Variants in CNTN3 observed in about 807,000 individuals in gnomAD.
CNTN3 encodes contactin 3.
A neutral mutation model predicts 119.1 loss-of-function variants in CNTN3; 60 were observed. The ratio of observed to expected loss-of-function variants is 0.50; its 90% CI spans 0.41 to 0.62. The LOEUF is 0.62. Ranked by LOEUF, CNTN3 falls within the 20% of genes least tolerant of loss-of-function variation. CNTN3 has a pLI of 0.00. For missense variants in CNTN3, 1,101 were observed against 1,242.4 expected, an observed-to-expected ratio of 0.89 and a Z score of 1.71; for synonymous variants, 450 against 438.7, an observed-to-expected ratio of 1.03 and a Z score of -0.32.
intron 1 of CNTN3, among the ~76,000 whole-genome samples, chr3:74,608,474 G>C (rs1464039837): frequency 6.6e-6 from 1 of 152,030 alleles, no homozygotes; most frequent in Non-Finnish European, 1.5e-5. Context: ...TTACTTCCTT[G>C]CACTAAAATC....
chr3:74,302,596 T>C (rs1702481505), intron 14 of CNTN3, 94 bp downstream of exon 14: 2 of 731,244 alleles, frequency 2.7e-6, no homozygotes, highest in East Asian at 5.0e-5. Context: ...TTATAACTCG[T>C]ATGCTCACAT....
At chr3:74,545,677 A>G (rs1575820148) in intron 1 of CNTN3, among the ~76,000 whole-genome samples, 1 of 152,338 alleles carries the variant, frequency 6.6e-6, no homozygotes, top group East Asian at 1.9e-4. Flanking sequence ...ATCTTTAAAT[A>G]TGAAATTTAC....
At chr3:74,302,669 A>G in intron 14 of CNTN3, 21 bp downstream of exon 14, 1 of 1,434,406 alleles carries the variant, frequency 7.0e-7, no homozygotes. Context: ...TGACAAACTC[A>G]AGGGGGCATA....
chr3:74,285,699 G>A (rs1702096582), intron 19 of CNTN3, among the ~76,000 whole-genome samples: 1 of 146,036 alleles, frequency 6.8e-6, no homozygotes, highest in South Asian at 2.2e-4. Context: ...GAAAAATAAT[G>A]AACAAATAAA....
At chr3:74,311,230 T>C (rs888919108) in intron 13 of CNTN3, among the ~76,000 whole-genome samples, 1 of 152,148 alleles carries the variant, frequency 6.6e-6, no homozygotes, top group Non-Finnish European at 1.5e-5. Flanking sequence ...TTTATTACAA[T>C]CACAGACCTA....
At chr3:74,432,161 C>T (rs1378999995) in intron 4 of CNTN3, among the ~76,000 whole-genome samples, 1 of 152,024 alleles carries the variant, frequency 6.6e-6, no homozygotes, top group Non-Finnish European at 1.5e-5. Context: ...AGAATCAGGT[C>T]GCTGCCAATA....
chr3:74,491,413 G>A (rs551836970), intron 3 of CNTN3, among the ~76,000 whole-genome samples: 20 of 152,164 alleles, frequency 1.3e-4, no homozygotes, highest in Admixed American at 1.2e-3. Flanking sequence ...TAAGGTGAGA[G>A]GGCTTAAGCC....
chr3:74,544,005 T>G (rs1317848732), intron 1 of CNTN3, among the ~76,000 whole-genome samples: 1 of 152,194 alleles, frequency 6.6e-6, no homozygotes, highest in Non-Finnish European at 1.5e-5. Context: ...GAATGACAAG[T>G]TCAAGTTAAA....
intron 1 of CNTN3, among the ~76,000 whole-genome samples, chr3:74,564,309 T>C (rs1704195748): frequency 6.6e-6 from 1 of 151,948 alleles, no homozygotes; most frequent in Non-Finnish European, 1.5e-5. Context: ...GGACCAAGGA[T>C]GGGAGTGGCT....
chr3:74,518,252 G>GCATCTTTTA (rs1042248403), intron 2 of CNTN3, among the ~76,000 whole-genome samples: 32 of 151,980 alleles, frequency 2.1e-4, no homozygotes, highest in African/African-American at 6.5e-4. Flanking sequence ...AACAGTGTCT[G>GCATCTTTTA]CATCTTTTAC....
intron 2 of CNTN3, among the ~76,000 whole-genome samples, chr3:74,515,435 T>C (rs142283124): frequency 1.3e-3 from 193 of 152,118 alleles, no homozygotes; most frequent in African/African-American, 4.3e-3. Flanking sequence ...ACTCATATCA[T>C]TATTGGCAAG....
intron 5 of CNTN3, among the ~76,000 whole-genome samples, chr3:74,380,889 G>A (rs1012783088): frequency 1.3e-5 from 2 of 152,042 alleles, no homozygotes; most frequent in African/African-American, 4.8e-5. Flanking sequence ...GGGCTTCATT[G>A]TTCTCATCTT....
intron 5 of CNTN3, among the ~76,000 whole-genome samples, chr3:74,385,683 G>A (rs1471550347): frequency 6.6e-6 from 1 of 152,204 alleles, no homozygotes; most frequent in African/African-American, 2.4e-5. Context: ...CCTGTGGGAT[G>A]TGAATTCTTT....
intron 13 of CNTN3, among the ~76,000 whole-genome samples, chr3:74,309,769 G>A (rs1330603673): frequency 1.3e-5 from 2 of 152,136 alleles, no homozygotes; most frequent in Non-Finnish European, 1.5e-5. Flanking sequence ...AATCTAGGTA[G>A]GCTGTGTAGG....
At chr3:74,588,642 C>G (rs1409495774) in intron 1 of CNTN3, among the ~76,000 whole-genome samples, 1 of 152,020 alleles carries the variant, frequency 6.6e-6, no homozygotes, top group South Asian at 2.1e-4. Context: ...GAGCCCGCAT[C>G]ACCAAGTCAT....
intron 11 of CNTN3, among the ~76,000 whole-genome samples, chr3:74,340,216 G>C (rs1703502049): frequency 6.6e-6 from 1 of 152,088 alleles, no homozygotes; most frequent in Admixed American, 6.6e-5. Flanking sequence ...ATGGGGGTCT[G>C]GTGGATATCA....
intron 13 of CNTN3, among the ~76,000 whole-genome samples, chr3:74,317,966 C>G (rs1034924295): frequency 2.6e-5 from 4 of 152,188 alleles, no homozygotes; most frequent in Non-Finnish European, 5.9e-5. Flanking sequence ...CTGTCACTTT[C>G]ATGTACACCA....
chr3:74,493,502 C>T (rs572141632), intron 3 of CNTN3, among the ~76,000 whole-genome samples: 1 of 152,086 alleles, frequency 6.6e-6, no homozygotes, highest in Non-Finnish European at 1.5e-5. Flanking sequence ...TGAACCAACG[C>T]GAAAAGAACA....
chr3:74,513,634 C>T (rs1703405048), intron 2 of CNTN3, among the ~76,000 whole-genome samples: 3 of 150,002 alleles, frequency 2.0e-5, no homozygotes. Context: ...AATGGCTGTC[C>T]GAGCAGTCCA....
Sources: allele counts gnomAD v4.1 joint callset (sites outside exome capture counted in the v4.1 genomes callset), GRCh38; gene constraint gnomAD v4.1.1; transcripts MANE v1.5; gene names NCBI Gene and HGNC (gene_info 2026-07-23, HGNC 2026-07-21).